The following E2F3 variants were observed in gnomAD, a reference collection of about 807,000 sequenced individuals.
E2F3 encodes E2F transcription factor 3.
Under a neutral mutation model 44.4 loss-of-function variants are expected in E2F3, and 11 were observed. The ratio of observed to expected loss-of-function variants is 0.25; its 90% CI spans 0.16 to 0.41. E2F3 has a LOEUF of 0.41. Among genes scored for constraint, E2F3 ranks in the 10% least tolerant of loss-of-function variants. The probability of loss-of-function intolerance (pLI) is 1.00; values close to 1 mark genes in which losing one functional copy is unlikely to be tolerated. For synonymous variants in E2F3, 249 were observed against 253.0 expected (o/e 0.98, Z 0.15); for missense variants, 487 against 583.6 (o/e 0.83, Z 1.70).
intron 4 of E2F3, among the ~76,000 whole-genome samples, chr6:20,484,633 G>T (rs141494127): frequency 5.9e-5 from 9 of 152,280 alleles, no homozygotes; most frequent in African/African-American, 1.9e-4. Flanking sequence ...AATCCTGCAA[G>T]AGCAGCCACT....
intron 2 of E2F3, among the ~76,000 whole-genome samples, chr6:20,480,409 A>G (rs1762183652): frequency 6.6e-6 from 1 of 152,164 alleles, no homozygotes; most frequent in Non-Finnish European, 1.5e-5. Flanking sequence ...TCTTTCTATC[A>G]AATACTATTA....
intron 1 of E2F3, among the ~76,000 whole-genome samples, chr6:20,458,375 C>T (rs1761385458): frequency 6.6e-6 from 1 of 152,098 alleles, no homozygotes; most frequent in African/African-American, 2.4e-5. Flanking sequence ...TCTTTAACCC[C>T]TAATCTATAA....
chr6:20,480,161 G>A, intron 2 of E2F3: 1 of 710,724 alleles, frequency 1.4e-6, no homozygotes, highest in South Asian at 6.3e-5. Flanking sequence ...GTACCATAAG[G>A]GAAGACTTCT....
intron 1 of E2F3, among the ~76,000 whole-genome samples, chr6:20,477,346 ATTC>A (rs1418683445): frequency 6.6e-6 from 1 of 152,208 alleles, no homozygotes; most frequent in East Asian, 1.9e-4. Flanking sequence ...TATATACTGT[ATTC>A]TTACAATGAA....
chr6:20,452,121 G>A (rs1397698874), intron 1 of E2F3, among the ~76,000 whole-genome samples: 2 of 152,202 alleles, frequency 1.3e-5, no homozygotes, highest in Admixed American at 1.3e-4. Flanking sequence ...GTTACAGTGG[G>A]AATGGTACCA....
chr6:20,451,182 A>G (rs1375112940), intron 1 of E2F3, among the ~76,000 whole-genome samples: 6 of 152,166 alleles, frequency 3.9e-5, no homozygotes, highest in Admixed American at 3.3e-4. Flanking sequence ...TGGTAGTTTG[A>G]TAGGAATAAC....
At chr6:20,409,375 A>C (rs1003081315) in intron 1 of E2F3, among the ~76,000 whole-genome samples, 1 of 152,226 alleles carries the variant, frequency 6.6e-6, no homozygotes, top group African/African-American at 2.4e-5. Context: ...ATTTTTAAAG[A>C]TTTATTTGAT....
chr6:20,477,560 G>A (rs978596150), intron 1 of E2F3, among the ~76,000 whole-genome samples: 1 of 152,048 alleles, frequency 6.6e-6, no homozygotes, highest in Non-Finnish European at 1.5e-5. Flanking sequence ...ACTTTAAGGT[G>A]TATCAGAATC....
chr6:20,412,339 G>A (rs1311106671), intron 1 of E2F3, among the ~76,000 whole-genome samples: 2 of 152,082 alleles, frequency 1.3e-5, no homozygotes, highest in Non-Finnish European at 2.9e-5. Context: ...AGACCAATCA[G>A]AATGTCTAGA....
rs1416042926 is a variant in E2F3, at chr6:20,493,109, A to G, written c.*2679A>G. On this transcript the variant is annotated 3_prime_UTR_variant, in exon 7 of 7. Coordinates refer to ENST00000346618, the MANE Select transcript of E2F3 (RefSeq NM_001949.5). ...ATTTAAGTTGATATGTAGTCTACTCACATTTTCATTATTTAGCAATTTTGT... is the reference window on the plus strand; with the variant it reads ...ATTTAAGTTGATATGTAGTCTACTCGCATTTTCATTATTTAGCAATTTTGT... 1 of 221,158 alleles carries G rather than the reference A, an allele frequency of 4.5e-6. No homozygotes were observed. The highest frequency in any genetic ancestry group is 9.1e-6 in the Non-Finnish European group (1 of 110,202). The allele number at this position is 221,158 out of a possible 1,614,324, so 13.7% of individuals were successfully genotyped here.
chr6:20,403,889 TG>T (rs1759400388), intron 1 of E2F3: 2 of 1,148,576 alleles, frequency 1.7e-6, no homozygotes, highest in Admixed American at 2.5e-5. Context: ...CGGATTCTGT[TG>T]GGGGCTGAAG....
intron 1 of E2F3, among the ~76,000 whole-genome samples, chr6:20,443,636 G>A (rs551307158): frequency 2.6e-5 from 4 of 152,196 alleles, no homozygotes; most frequent in East Asian, 1.9e-4. Context: ...TCGGGAGAGC[G>A]AGAACCCATC....
intron 1 of E2F3, among the ~76,000 whole-genome samples, chr6:20,430,817 G>A (rs897269464): frequency 1.2e-4 from 19 of 152,142 alleles, no homozygotes; most frequent in Admixed American, 1.2e-3. Flanking sequence ...CTGAGGTCAG[G>A]AGTTTGAGAC....
intron 1 of E2F3, among the ~76,000 whole-genome samples, chr6:20,454,954 A>G (rs1314779914): frequency 2.6e-5 from 4 of 152,312 alleles, no homozygotes; most frequent in East Asian, 1.9e-4. Flanking sequence ...AACTAATTCT[A>G]TATCTCAGGG....
In E2F3 at chr6:20,490,619, C is replaced by T. The variant is rs1342482054; in HGVS notation, c.*189C>T. 11 of 548,644 alleles carry T rather than the reference C, an allele frequency of 2.0e-5. No individual in the cohort carries two copies. The highest frequency in any genetic ancestry group is 2.8e-6 in the Non-Finnish European group (1 of 355,448). 34.0% of individuals were successfully genotyped at this position (548,644 alleles called of 1,614,324 possible). A position where few individuals can be genotyped will look rare whatever the true frequency, so the allele number is the denominator to read the frequency against. ...AAAATTAATAAACAAATTGTCTAAACGCACAGTTGCAGGCTCCCTTGGGAA... is the reference window on the plus strand; with the variant it reads ...AAAATTAATAAACAAATTGTCTAAATGCACAGTTGCAGGCTCCCTTGGGAA... On this transcript the variant is annotated 3_prime_UTR_variant, in exon 7 of 7. Coordinates refer to ENST00000346618, the MANE Select transcript of E2F3 (RefSeq NM_001949.5). The surrounding 1 kb of genome is among the most constrained non-coding windows in gnomAD (Gnocchi z 4.3).
intron 4 of E2F3, among the ~76,000 whole-genome samples, chr6:20,483,376 A>G (rs1762295026): frequency 1.3e-5 from 2 of 152,166 alleles, no homozygotes; most frequent in South Asian, 4.1e-4. Context: ...TTCTCACCAG[A>G]TATCGTAGCA....
chr6:20,480,368 TG>T (rs1463481058), intron 2 of E2F3, among the ~76,000 whole-genome samples: 14 of 152,226 alleles, frequency 9.2e-5, no homozygotes, highest in Non-Finnish European at 1.9e-4. Context: ...GCGTAAGAAT[TG>T]ATTGAGCCCG....
At chr6:20,466,792 C>G (rs757876688) in intron 1 of E2F3, among the ~76,000 whole-genome samples, 8 of 151,666 alleles carry the variant, frequency 5.3e-5, no homozygotes, top group Admixed American at 5.3e-4. Flanking sequence ...AAGCAGTTCT[C>G]TGCCTCAGCC....
Position 20,491,521 on chromosome 6 carries a change from G to A in E2F3, c.*1091G>A, listed in dbSNP as rs944658216. ...ATTGGAAAGGAGAACCAGGTCAGAT[G>A]ATGTAACAGCCCCAAGGAGCAGCAG... On this transcript the variant is annotated 3_prime_UTR_variant, in exon 7 of 7. Coordinates refer to ENST00000346618, the MANE Select transcript of E2F3 (RefSeq NM_001949.5). The A allele has an allele frequency of 9.2e-6, 2 of 217,630 alleles. No homozygotes were observed. Among genetic ancestry groups the A allele is most frequent in the African/African-American group, 2.3e-5 (1 of 44,428 alleles). 13.5% of individuals were successfully genotyped at this position (217,630 alleles called of 1,614,324 possible).
Sources: allele counts gnomAD v4.1 joint callset (sites outside exome capture counted in the v4.1 genomes callset), GRCh38; gene constraint gnomAD v4.1.1; non-coding constraint Gnocchi (gnomAD v3.1); transcripts MANE v1.5; gene names NCBI Gene and HGNC (gene_info 2026-07-23, HGNC 2026-07-21).